Variants in EYS observed in about 807,000 individuals in gnomAD.
EYS encodes protein eyes shut homolog.
A neutral mutation model predicts 282.1 loss-of-function variants in EYS; 250 were observed. The ratio of observed to expected loss-of-function variants is 0.89; its 90% CI spans 0.80 to 0.98. The LOEUF (loss-of-function observed/expected upper bound fraction) is 0.98, where lower values mean the gene tolerates loss of function less well. Among genes scored for constraint, EYS ranks in the 50% least tolerant of loss-of-function variants. EYS has a pLI of 0.00. For missense variants in EYS, 4,016 were observed against 3,709.0 expected (o/e 1.08, Z -2.15); for synonymous variants, 1,355 against 1,282.9 (o/e 1.06, Z -1.20).
chr6:65,228,138 G>A (rs1006266660), intron 12 of EYS, among the ~76,000 whole-genome samples: 8 of 152,012 alleles, frequency 5.3e-5, no homozygotes, highest in South Asian at 2.1e-4. Context: ...TATAGCTAGC[G>A]CAGTCTATGT....
At chr6:64,563,021 G>A (rs1765450158) in intron 26 of EYS, among the ~76,000 whole-genome samples, 2 of 151,986 alleles carry the variant, frequency 1.3e-5, no homozygotes, top group African/African-American at 2.4e-5. Context: ...CTTAATGGTT[G>A]TGAATAATGC....
intron 29 of EYS, among the ~76,000 whole-genome samples, chr6:64,321,800 T>C (rs1770227961): frequency 6.6e-6 from 1 of 151,944 alleles, no homozygotes; most frequent in African/African-American, 2.4e-5. Flanking sequence ...ATTTGTTGTC[T>C]ATAAGGCCAA....
intron 11 of EYS, among the ~76,000 whole-genome samples, chr6:65,301,616 A>G (rs1444140079): frequency 1.3e-5 from 2 of 152,230 alleles, no homozygotes; most frequent in African/African-American, 4.8e-5. Context: ...GCTTGTCTCA[A>G]ACTCCACATA....
At chr6:64,347,239 T>G (rs1008000425) in intron 29 of EYS, among the ~76,000 whole-genome samples, 1 of 151,508 alleles carries the variant, frequency 6.6e-6, no homozygotes, top group Non-Finnish European at 1.5e-5. Flanking sequence ...TTAATTTATT[T>G]GGTTTGATTT....
intron 12 of EYS, among the ~76,000 whole-genome samples, chr6:65,198,426 T>C (rs539994015): frequency 6.6e-6 from 1 of 152,278 alleles, no homozygotes; most frequent in Non-Finnish European, 1.5e-5. Context: ...AGTAGTTTAT[T>C]ATCATTGGGA....
intron 26 of EYS, among the ~76,000 whole-genome samples, chr6:64,578,783 G>C (rs899814742): frequency 6.6e-6 from 1 of 152,104 alleles, no homozygotes; most frequent in African/African-American, 2.4e-5. Context: ...TATGCTGCTA[G>C]TGAAACATGG....
At chr6:63,849,547 C>T (rs1178442186) in intron 36 of EYS, among the ~76,000 whole-genome samples, 1 of 152,154 alleles carries the variant, frequency 6.6e-6, no homozygotes, top group African/African-American at 2.4e-5. Context: ...CAGGAGTGGA[C>T]CTCCAGCAAA....
At chr6:65,622,137 G>A (rs1443774683) in intron 2 of EYS, among the ~76,000 whole-genome samples, 2 of 152,178 alleles carry the variant, frequency 1.3e-5, no homozygotes, top group South Asian at 4.1e-4. Context: ...AGAATCGTTT[G>A]TCCTTCTCAG....
At chr6:64,663,969 C>T (rs1769138891) in intron 22 of EYS, among the ~76,000 whole-genome samples, 1 of 152,188 alleles carries the variant, frequency 6.6e-6, no homozygotes, top group South Asian at 2.1e-4. Flanking sequence ...TAATGGCGAG[C>T]CTCTAGCCCG....
At chr6:64,125,802 A>AAAAAAAAAC (rs1562214038) in intron 31 of EYS, among the ~76,000 whole-genome samples, 1 of 151,210 alleles carries the variant, frequency 6.6e-6, no homozygotes, top group African/African-American at 2.4e-5. Flanking sequence ...AAAAAAAAAA[A>AAAAAAAAAC]AAAAAAAGTT....
chr6:64,156,884 TTTAA>T (rs139225617), intron 31 of EYS, among the ~76,000 whole-genome samples: 8,409 of 151,806 alleles, frequency 0.055, 769 homozygotes, highest in African/African-American at 0.19. Flanking sequence ...ATTTTTAATT[TTTAA>T]TTAATTTATT....
At chr6:65,324,630 G>C (rs1562096925) in intron 11 of EYS, among the ~76,000 whole-genome samples, 1 of 152,174 alleles carries the variant, frequency 6.6e-6, no homozygotes, top group Non-Finnish European at 1.5e-5. Flanking sequence ...AAAGCATAGA[G>C]AAAATGGTAC....
chr6:65,016,311 C>T (rs1772049130), intron 13 of EYS, among the ~76,000 whole-genome samples: 1 of 152,084 alleles, frequency 6.6e-6, no homozygotes, highest in African/African-American at 2.4e-5. Context: ...TTATGATAAA[C>T]TTCATATGTT....
intron 19 of EYS, among the ~76,000 whole-genome samples, chr6:64,871,867 C>T (rs1766607458): frequency 6.6e-6 from 1 of 151,874 alleles, no homozygotes; most frequent in Non-Finnish European, 1.5e-5. Flanking sequence ...TGTTATGGCT[C>T]TAAAGGATAA....
chr6:65,577,959 G>A (rs1469142067), intron 2 of EYS, among the ~76,000 whole-genome samples: 2 of 151,706 alleles, frequency 1.3e-5, no homozygotes, highest in African/African-American at 2.4e-5. Flanking sequence ...TAAGAAAAGG[G>A]AACAACTGTA....
chr6:64,979,075 GT>G (rs1770567586), intron 14 of EYS, among the ~76,000 whole-genome samples: 1 of 151,776 alleles, frequency 6.6e-6, no homozygotes, highest in Non-Finnish European at 1.5e-5. Context: ...CTTAAAACAA[GT>G]TTTACTGTGG....
intron 22 of EYS, among the ~76,000 whole-genome samples, chr6:64,669,757 G>A (rs1412071154): frequency 1.3e-5 from 2 of 152,116 alleles, no homozygotes; most frequent in Non-Finnish European, 2.9e-5. Flanking sequence ...GAGTGGGAAT[G>A]AAAGGCAACT....
chr6:64,823,357 T>G (rs1170981213), intron 19 of EYS, among the ~76,000 whole-genome samples: 1 of 151,834 alleles, frequency 6.6e-6, no homozygotes, highest in Non-Finnish European at 1.5e-5. Flanking sequence ...TATGCTCAAC[T>G]AGAGGTACCA....
At chr6:65,553,518 T>C (rs1013515541) in intron 2 of EYS, among the ~76,000 whole-genome samples, 16 of 152,128 alleles carry the variant, frequency 1.1e-4, no homozygotes, top group African/African-American at 3.9e-4. Flanking sequence ...TAGAGTGATA[T>C]TGTACTATTG....
Sources: allele counts gnomAD v4.1 joint callset (sites outside exome capture counted in the v4.1 genomes callset), GRCh38; gene constraint gnomAD v4.1.1; transcripts MANE v1.5; gene names NCBI Gene and HGNC (gene_info 2026-07-23, HGNC 2026-07-21).